The following ROR2 variants were observed in gnomAD, a reference collection of about 807,000 sequenced individuals.
The protein encoded by ROR2 is tyrosine-protein kinase transmembrane receptor ROR2.
Under a neutral mutation model 74.9 loss-of-function variants are expected in ROR2, and 33 were observed. The ratio of observed to expected loss-of-function variants is 0.44; its 90% CI spans 0.33 to 0.59. ROR2 has a LOEUF of 0.59. Ranked by LOEUF, ROR2 falls within the 20% of genes least tolerant of loss-of-function variation. The pLI is 0.02. For synonymous variants in ROR2, 586 were observed against 558.7 expected, an observed-to-expected ratio of 1.05 and a Z score of -0.69; for missense variants, 1,216 against 1,313.8, an observed-to-expected ratio of 0.93 and a Z score of 1.15.
intron 1 of ROR2, among the ~76,000 whole-genome samples, chr9:91,776,927 T>C (rs1432423580): frequency 1.3e-5 from 2 of 152,206 alleles, no homozygotes; most frequent in South Asian, 4.1e-4. Flanking sequence ...ACTAGCCCAA[T>C]TTCCCTGTGG....
intron 1 of ROR2, among the ~76,000 whole-genome samples, chr9:91,891,068 A>G (rs933339534): frequency 9.9e-5 from 15 of 152,180 alleles, no homozygotes; most frequent in Admixed American, 8.5e-4. Flanking sequence ...TTCAGAGGGC[A>G]TCTGTAGTTT....
chr9:91,732,956 C>T (rs1837295930), intron 6 of ROR2, among the ~76,000 whole-genome samples, 166 bp downstream of exon 6: 1 of 152,214 alleles, frequency 6.6e-6, no homozygotes, highest in African/African-American at 2.4e-5. Context: ...CGCCTGCTGC[C>T]CTGCTGGAAT....
At chr9:91,949,834 C>A in intron 1 of ROR2, 33 bp downstream of exon 1, 3 of 1,336,426 alleles carry the variant, frequency 2.2e-6, no homozygotes, top group South Asian at 1.3e-5. Context: ...CGTGAGCTAC[C>A]GTCTGCGCAC....
chr9:91,770,434 G>A (rs953738753), intron 2 of ROR2, among the ~76,000 whole-genome samples: 2 of 152,166 alleles, frequency 1.3e-5, no homozygotes, highest in African/African-American at 4.8e-5. Flanking sequence ...CTCACATTCT[G>A]GTCTGGGCAC....
intron 1 of ROR2, among the ~76,000 whole-genome samples, chr9:91,918,275 A>AG (rs1564037762): frequency 6.6e-6 from 1 of 151,774 alleles, no homozygotes; most frequent in African/African-American, 2.4e-5. Flanking sequence ...AAAAAAAAAA[A>AG]AAAAGAAGTT....
At chr9:91,945,971 T>C (rs1370182471) in intron 1 of ROR2, among the ~76,000 whole-genome samples, 2 of 152,238 alleles carry the variant, frequency 1.3e-5, no homozygotes, top group Non-Finnish European at 2.9e-5. Flanking sequence ...GGAGCGCCTC[T>C]TGTTGCTTGG....
At chr9:91,766,094 G>C (rs951913501) in intron 2 of ROR2, among the ~76,000 whole-genome samples, 1 of 152,170 alleles carries the variant, frequency 6.6e-6, no homozygotes, top group African/African-American at 2.4e-5. Flanking sequence ...TGACATTAAA[G>C]CCCTGCAGGA....
intron 1 of ROR2, among the ~76,000 whole-genome samples, chr9:91,934,056 G>T (rs542035046): frequency 6.6e-6 from 1 of 152,130 alleles, no homozygotes; most frequent in Non-Finnish European, 1.5e-5. Flanking sequence ...GCACATGTGC[G>T]CAGAAAACAT....
chr9:91,762,791 A>G (rs1825954259), intron 2 of ROR2, among the ~76,000 whole-genome samples: 1 of 152,250 alleles, frequency 6.6e-6, no homozygotes, highest in South Asian at 2.1e-4. Flanking sequence ...GTGTAATAGA[A>G]TAGCCCATTA....
chr9:91,819,624 AGTGT>A (rs1442510510), intron 1 of ROR2, among the ~76,000 whole-genome samples: 1 of 116,244 alleles, frequency 8.6e-6, no homozygotes, highest in Non-Finnish European at 1.8e-5. Context: ...TCTTTGAGTG[AGTGT>A]GTGTTGGTGT....
At chr9:91,938,421 A>G (rs887892085) in intron 1 of ROR2, among the ~76,000 whole-genome samples, 5 of 152,168 alleles carry the variant, frequency 3.3e-5, no homozygotes, top group Non-Finnish European at 7.3e-5. Context: ...TTGCACCACC[A>G]CACTCCAGCC....
chr9:91,726,722 A>T lies in ROR2; in HGVS notation c.1205T>A (p.Met402Lys), dbSNP rs971846658. The T allele has an allele frequency of 1.2e-6, 2 of 1,613,998 alleles. No homozygotes were observed. The highest frequency in any genetic ancestry group is 1.7e-6 in the Non-Finnish European group (2 of 1,180,000). Residue 402 changes from methionine to lysine, a missense_variant, in exon 8 of 9, where the codon ATG (methionine) becomes AAG (lysine). By Grantham distance (95) the Met-to-Lys change is moderately conservative. Transcript: ENST00000375708. ...GGGGACCAAGATGTACAGAATCCCC[A>T]TCTTGCTGCTGTCTCGGGGACCTGT... The part of the protein sequence containing the change: ...PSCSPRDSSK[M>K]GILYILVPSI...
intron 1 of ROR2, among the ~76,000 whole-genome samples, chr9:91,881,323 A>C (rs1158794814): frequency 2.0e-5 from 3 of 152,248 alleles, no homozygotes; most frequent in Non-Finnish European, 4.4e-5. Context: ...GTATGATCAC[A>C]AATGTGTTAA....
chr9:91,840,426 C>CA (rs1828748387), intron 1 of ROR2, among the ~76,000 whole-genome samples: 1 of 152,196 alleles, frequency 6.6e-6, no homozygotes, highest in South Asian at 2.1e-4. Flanking sequence ...CCACCATACC[C>CA]AATTGCTTCA....
chr9:91,812,672 A>T lies in ROR2; in HGVS notation c.98-36854T>A, dbSNP rs528497119. 3.3e-5 allele frequency among the ~76,000 whole-genome samples: 5 copies of T among 152,050 alleles called. 1 individual carries two copies. The East Asian group carries it at 7.8e-4, about 24-fold the overall frequency. On this transcript the variant is annotated intron_variant, in intron 1 of 8. Coordinates refer to ENST00000375708, the MANE Select transcript of ROR2 (RefSeq NM_004560.4). ...TGAACTGTGCTATTGGTGGAGAGAA[A>T]CCCAGTAATCCCTCACACCCGTGGG...
chr9:91,865,963 T>C (rs1829619418), intron 1 of ROR2, among the ~76,000 whole-genome samples: 1 of 152,236 alleles, frequency 6.6e-6, no homozygotes, highest in African/African-American at 2.4e-5. Flanking sequence ...AATGACACTT[T>C]CTGAATTACC....
In ROR2 at chr9:91,757,537, C is replaced by T. The variant is rs1825798029; in HGVS notation, c.198G>A (p.Glu66=). ...GGACAATGGTGATATTGTTTACTGGCTCCAGAAAATTCAGAAAGTAACCTG... is the reference window on the plus strand; with the variant it reads ...GGACAATGGTGATATTGTTTACTGGTTCCAGAAAATTCAGAAAGTAACCTG... ...TLKGYFLNFL[E]PVNNITIVQG... The change falls in exon 3 of 9, where the codon GAG becomes GAA. Residue 66 remains glutamate, a synonymous_variant. Transcript: ENST00000375708. 13 of 1,613,632 alleles carry T rather than the reference C, an allele frequency of 8.1e-6. No homozygotes were observed. The highest frequency in any genetic ancestry group is 9.3e-6 in the Non-Finnish European group (11 of 1,179,982).
chr9:91,910,243 G>A (rs896759229), intron 1 of ROR2, among the ~76,000 whole-genome samples: 2 of 152,120 alleles, frequency 1.3e-5, no homozygotes, highest in Non-Finnish European at 2.9e-5. Flanking sequence ...TGTGAAATAG[G>A]CAATTCCAGA....
intron 1 of ROR2, among the ~76,000 whole-genome samples, chr9:91,932,528 G>GT (rs1040969464): frequency 1.3e-5 from 2 of 152,110 alleles, no homozygotes; most frequent in African/African-American, 4.8e-5. Context: ...GCTGGGTGTG[G>GT]TGGCGCATGC....
Sources: gnomAD v4.1 joint callset for allele counts (sites outside exome capture counted in the v4.1 genomes callset) on GRCh38, gnomAD v4.1.1 for gene constraint, MANE v1.5 for transcripts, NCBI Gene and HGNC (gene_info 2026-07-23, HGNC 2026-07-21) for gene names.